The following HIVEP1 variants were observed in gnomAD, a reference collection of about 807,000 sequenced individuals.
HIVEP1 encodes the protein HIVEP zinc finger 1.
In HIVEP1, 36 loss-of-function variants were observed where a neutral mutation model predicts 180.0. The observed-to-expected ratio is 0.20, with a 90% CI of 0.15 to 0.26. HIVEP1 has a LOEUF of 0.26. Among genes scored for constraint, HIVEP1 ranks in the 10% least tolerant of loss-of-function variants. HIVEP1 has a pLI of 1.00. For missense variants in HIVEP1, 3,143 were observed against 3,268.7 expected (o/e 0.96, Z 0.94); for synonymous variants, 1,239 against 1,239.0 (o/e 1.00, Z 0.00).
intron 2 of HIVEP1, among the ~76,000 whole-genome samples, chr6:12,029,096 C>T (rs1330906353): frequency 2.6e-5 from 4 of 152,158 alleles, no homozygotes; most frequent in Non-Finnish European, 4.4e-5. Context: ...TTCATTCACT[C>T]GTTTGATGGA....
rs201112635 is a variant in HIVEP1 at position 12,121,901 on chromosome 6, C to T, written c.2106C>T (p.Asp702=). 4 of 1,614,204 alleles carry T rather than the reference C, an allele frequency of 2.5e-6. No homozygotes were observed. The highest frequency in any genetic ancestry group is 1.7e-4 in the Middle Eastern group (1 of 6,060). ...GAAGGTTACCCAGCACAGAACAAGA[C>T]TCTGGAAGGAGTAACGGACCCTCTG... ...FARRLPSTEQ[D]SGRSNGPSAA... Residue 702 remains aspartate, a synonymous_variant, in exon 4 of 9, where the codon GAC becomes GAT. Coordinates refer to ENST00000379388, the MANE Select transcript of HIVEP1 (RefSeq NM_002114.4). The surrounding 1 kb of genome is among the most constrained non-coding windows in gnomAD (Gnocchi z 5.3).
At chr6:12,016,603 G>A (rs75114570) in intron 2 of HIVEP1, among the ~76,000 whole-genome samples, 2,260 of 152,266 alleles carry the variant, frequency 0.015, 34 homozygotes, top group Non-Finnish European at 0.025. Context: ...TATGGCCTCC[G>A]TGAATCTGGA....
the HIVEP1 span, among the ~76,000 whole-genome samples, chr6:12,187,951 A>G: frequency 6.6e-6 from 1 of 152,198 alleles, no homozygotes; most frequent in Non-Finnish European, 1.5e-5. Context: ...CAAACAGACT[A>G]AGAAAATGAC....
chr6:12,065,086 T>A (rs1405101334), intron 2 of HIVEP1, among the ~76,000 whole-genome samples: 1 of 152,220 alleles, frequency 6.6e-6, no homozygotes, highest in Non-Finnish European at 1.5e-5. Flanking sequence ...ACAAATTGGA[T>A]GCAACTAAAT....
At chr6:12,118,141 G>GTTT (rs376648879) in intron 3 of HIVEP1, among the ~76,000 whole-genome samples, 1 of 134,994 alleles carries the variant, frequency 7.4e-6, no homozygotes, top group African/African-American at 2.6e-5. Context: ...ACCCCCTTTT[G>GTTT]TTTTTTTTTT....
At chr6:12,042,180 C>T (rs557526817) in intron 2 of HIVEP1, among the ~76,000 whole-genome samples, 12 of 149,630 alleles carry the variant, frequency 8.0e-5, no homozygotes, top group Admixed American at 2.6e-4. Flanking sequence ...CCCGGGTTCA[C>T]GCCATTCTCC....
intron 7 of HIVEP1, among the ~76,000 whole-genome samples, chr6:12,153,334 A>T (rs1438508266): frequency 3.9e-5 from 6 of 152,200 alleles, no homozygotes; most frequent in African/African-American, 1.4e-4. Context: ...ATGGGTTTGA[A>T]TCTTAGCTGT....
the HIVEP1 span, among the ~76,000 whole-genome samples, chr6:12,200,692 C>G: frequency 6.6e-6 from 1 of 152,230 alleles, no homozygotes; most frequent in Non-Finnish European, 1.5e-5. Flanking sequence ...GCTTCTTAGA[C>G]TTTCCACCAA....
chr6:12,158,934 C>G (rs940064384), intron 7 of HIVEP1, among the ~76,000 whole-genome samples: 3 of 152,160 alleles, frequency 2.0e-5, no homozygotes, highest in Non-Finnish European at 2.9e-5. Context: ...TTACCCCACC[C>G]TCCTGTGAGC....
upstream of HIVEP1, among the ~76,000 whole-genome samples, chr6:12,010,366 C>T (rs1358920144): frequency 1.3e-5 from 2 of 152,146 alleles, no homozygotes; most frequent in Non-Finnish European, 2.9e-5. Context: ...CTGAGTATTC[C>T]ATTTTTAATC....
chr6:12,074,006 G>A (rs897515927), intron 2 of HIVEP1, among the ~76,000 whole-genome samples: 2 of 152,208 alleles, frequency 1.3e-5, no homozygotes, highest in African/African-American at 4.8e-5. Context: ...ATTGGAGTGG[G>A]TGTGCACCAT....
intron 2 of HIVEP1, among the ~76,000 whole-genome samples, chr6:12,083,037 T>C (rs1418899832): frequency 6.6e-6 from 1 of 152,128 alleles, no homozygotes; most frequent in African/African-American, 2.4e-5. Flanking sequence ...TATAGGTACT[T>C]TAGTAATTGG....
At chr6:12,068,270 A>G (rs1037082433) in intron 2 of HIVEP1, among the ~76,000 whole-genome samples, 1 of 152,022 alleles carries the variant, frequency 6.6e-6, no homozygotes. Context: ...TTGTATTTTT[A>G]GTAGAGGCGG....
chr6:12,164,291 C>A lies in HIVEP1; in HGVS notation c.7987C>A (p.Pro2663Thr). Residue 2663 changes from proline to threonine, a missense_variant, in exon 9 of 9, where the codon CCT becomes ACT. Pro to Thr is a conservative substitution (Grantham distance 38). Transcript: ENST00000379388. The stretch of plus-strand genomic sequence containing the variant: ...GGGCCAACCAGCGTCCACGTCACAA[C>A]CTCTGCTGAAGGCACATTCTGAAGT... ...IQGQPASTSQPLLKAHSEVFT... is the reference protein window; with the variant it reads ...IQGQPASTSQTLLKAHSEVFT... 1 of 1,614,090 alleles carries A rather than the reference C, an allele frequency of 6.2e-7. No homozygotes were observed. The highest frequency in any genetic ancestry group is 2.2e-5 in the East Asian group (1 of 44,858).
At chr6:12,205,529 G>A in the HIVEP1 span, among the ~76,000 whole-genome samples, 1 of 151,992 alleles carries the variant, frequency 6.6e-6, no homozygotes, top group Non-Finnish European at 1.5e-5. Flanking sequence ...ACGGTACAGT[G>A]GTTAAGTCCT....
At chr6:12,163,134 A>G (rs1760509832) in intron 8 of HIVEP1, 149 bp from the exon 9 acceptor site, 3 of 718,786 alleles carry the variant, frequency 4.2e-6, no homozygotes, top group African/African-American at 1.8e-5. Context: ...AAAAATCGAA[A>G]AATAATTTCA....
chr6:12,016,775 A>T (rs1436171916), intron 2 of HIVEP1, among the ~76,000 whole-genome samples: 1 of 152,174 alleles, frequency 6.6e-6, no homozygotes, highest in Admixed American at 6.5e-5. Context: ...CATATAGAAA[A>T]CGTTGAAAAT....
In HIVEP1 at chr6:12,123,515, A is replaced by G. The variant is rs1242403428; in HGVS notation, c.3720A>G (p.Thr1240=). ...HNIQVPEILV[T]EEPDRDLEAQ... is the part of the protein sequence containing the mutation. Reference sequence around the variant, plus strand: ...TCCAAGTTCCAGAGATTTTGGTCACAGAAGAACCAGATCGAGACCTGGAAG... The same window carrying G: ...TCCAAGTTCCAGAGATTTTGGTCACGGAAGAACCAGATCGAGACCTGGAAG... The change falls in exon 4 of 9, where the codon ACA becomes ACG. Residue 1240 remains threonine, a synonymous_variant. Transcript: ENST00000379388. 2 of 1,614,200 alleles carry G rather than the reference A, an allele frequency of 1.2e-6. No homozygotes were observed. Among genetic ancestry groups the G allele is most frequent in the Non-Finnish European group, 1.7e-6 (2 of 1,180,046 alleles).
chr6:12,172,222 AG>A, the HIVEP1 span, among the ~76,000 whole-genome samples: 2 of 152,224 alleles, frequency 1.3e-5, no homozygotes, highest in Admixed American at 1.3e-4. Flanking sequence ...CTGAGAAGCT[AG>A]GGCTGTCTCA....
Sources: gnomAD v4.1 joint callset for allele counts (sites outside exome capture counted in the v4.1 genomes callset) on GRCh38, gnomAD v4.1.1 for gene constraint, Gnocchi (gnomAD v3.1) non-coding constraint, MANE v1.5 for transcripts, NCBI Gene and HGNC (gene_info 2026-07-23, HGNC 2026-07-21) for gene names.